The following XXYLT1 variants were observed in gnomAD, a reference collection of about 807,000 sequenced individuals.
The protein encoded by XXYLT1 is xyloside xylosyltransferase 1.
Under a neutral mutation model 28.9 loss-of-function variants are expected in XXYLT1, and 20 were observed. That is an observed-to-expected ratio of 0.69 (90% CI 0.49 to 1.00). The LOEUF (loss-of-function observed/expected upper bound fraction) is 1.00. Among genes scored for constraint, XXYLT1 ranks in the 50% least tolerant of loss-of-function variants. The pLI is 0.00. For synonymous variants in XXYLT1, 257 were observed against 253.8 expected (o/e 1.01, Z -0.12); for missense variants, 542 against 560.1 (o/e 0.97, Z 0.33).
At chr3:195,101,955 G>A in intron 3 of XXYLT1, among the ~76,000 whole-genome samples, 1 of 64,066 alleles carries the variant, frequency 1.6e-5, no homozygotes, top group African/African-American at 6.6e-5. Context: ...GAAAGGGAGG[G>A]GAGGGGAGGG....
In XXYLT1 at chr3:195,209,316, C is replaced by T. The variant is rs898892802; in HGVS notation, c.652+17393G>A. The T allele has an allele frequency of 5.3e-5, 8 of 152,378 alleles. No individual in the cohort carries two copies. The highest frequency in any genetic ancestry group is 8.8e-5 in the Non-Finnish European group (6 of 68,152). The allele number at this position is 152,378 out of a possible 1,614,324, so 9.4% of individuals were successfully genotyped here. A position where few individuals can be genotyped will look rare whatever the true frequency, so the allele number is the denominator to read the frequency against. ...CAAACTGTCTTGTCATCGAGTGCCA[C>T]ACCCGCTGGACCCCACTCACGTGGT... is the stretch of plus-strand genomic sequence containing the variant. On this transcript the variant is annotated intron_variant, in intron 2 of 3. Coordinates refer to ENST00000310380, the MANE Select transcript of XXYLT1 (RefSeq NM_152531.5). This position sits in a 1 kb window ranked among gnomAD's most constrained non-coding sequence, Gnocchi z 5.0.
chr3:195,226,940 G>A (rs1724082669), intron 1 of XXYLT1, 84 bp from the exon 2 acceptor site: 1 of 1,510,428 alleles, frequency 6.6e-7, no homozygotes, highest in Non-Finnish European at 8.9e-7. Flanking sequence ...TGGGCCCACA[G>A]AGGCAGAGGC....
rs1725533334 is a variant in XXYLT1, at chr3:195,257,734, C to T, written c.504+12821G>A. Among the ~76,000 whole-genome samples the T allele has an allele frequency of 6.6e-6, 1 of 152,134 alleles. No homozygotes were observed. Among genetic ancestry groups the T allele is most frequent in the South Asian group, 2.1e-4 (1 of 4,828 alleles). On this transcript the variant is annotated intron_variant, in intron 1 of 3. Coordinates refer to ENST00000310380, the MANE Select transcript of XXYLT1 (RefSeq NM_152531.5). The surrounding 1 kb of genome is among the most constrained non-coding windows in gnomAD (Gnocchi z 4.3). ...ACACTCACCCAGCCAGGCCGCCCTACCCCAGCTGCCCCCCTCTGCCCCATC... is the reference window on the plus strand; with the variant it reads ...ACACTCACCCAGCCAGGCCGCCCTATCCCAGCTGCCCCCCTCTGCCCCATC...
At position 195,257,981 on chromosome 3, in the gene XXYLT1, G is replaced by C. The variant is rs1351081440; in HGVS notation, c.504+12574C>G. On this transcript the variant is annotated intron_variant, in intron 1 of 3. Coordinates refer to ENST00000310380, the MANE Select transcript of XXYLT1 (RefSeq NM_152531.5). This position sits in a 1 kb window ranked among gnomAD's most constrained non-coding sequence, Gnocchi z 4.3. ...CCTGTGTCTTCCTACCCCCTAGACA[G>C]CAGGTGGCCAAGGGTGCCCTAAGCA... 1.3e-5 allele frequency among the ~76,000 whole-genome samples: 2 copies of C among 152,206 alleles called. No homozygotes were observed. The highest frequency in any genetic ancestry group is 3.9e-4 in the East Asian group (2 of 5,174).
chr3:195,220,363 C>T (rs947232264), intron 2 of XXYLT1, among the ~76,000 whole-genome samples: 3 of 152,230 alleles, frequency 2.0e-5, no homozygotes, highest in East Asian at 3.9e-4. Flanking sequence ...AGGCTGGTAT[C>T]GAACTCCTGA....
intron 3 of XXYLT1, among the ~76,000 whole-genome samples, chr3:195,114,472 G>C (rs753532125): frequency 6.6e-6 from 1 of 152,176 alleles, no homozygotes; most frequent in Non-Finnish European, 1.5e-5. Flanking sequence ...TCCTGTGCCT[G>C]GGTCCCATGA....
At chr3:195,121,075 C>G (rs748101290) in intron 3 of XXYLT1, among the ~76,000 whole-genome samples, 1 of 152,196 alleles carries the variant, frequency 6.6e-6, no homozygotes, top group Non-Finnish European at 1.5e-5. Flanking sequence ...TCCGTGAGCA[C>G]CCCCATGCTC....
chr3:195,085,924 C>G (rs889606883), intron 3 of XXYLT1: 1 of 152,230 alleles, frequency 6.6e-6, no homozygotes, highest in Non-Finnish European at 1.5e-5. Context: ...TGCTGTCAGG[C>G]CTTGCGGAGG....
intron 1 of XXYLT1, among the ~76,000 whole-genome samples, chr3:195,263,675 T>C (rs1043987994): frequency 3.3e-5 from 5 of 152,272 alleles, no homozygotes; most frequent in African/African-American, 1.2e-4. Context: ...GGTATTGTTA[T>C]GGTGAGAGAA....
At chr3:195,123,346 G>GC (rs1444687264) in intron 3 of XXYLT1, among the ~76,000 whole-genome samples, 2 of 152,090 alleles carry the variant, frequency 1.3e-5, no homozygotes, top group African/African-American at 4.8e-5. Flanking sequence ...CCGTCAGCAA[G>GC]CCCCCCTCTC....
intron 2 of XXYLT1, among the ~76,000 whole-genome samples, chr3:195,157,237 C>T (rs1317547808): frequency 2.2e-5 from 2 of 89,014 alleles, no homozygotes; most frequent in Non-Finnish European, 4.2e-5. Flanking sequence ...AGCAAGGCGC[C>T]ATCTCAAAAA....
At chr3:195,135,396 T>C (rs1483707073) in intron 3 of XXYLT1, among the ~76,000 whole-genome samples, 1 of 151,994 alleles carries the variant, frequency 6.6e-6, no homozygotes, top group Non-Finnish European at 1.5e-5. Flanking sequence ...CATCCCCTTA[T>C]CAAAAAAGAG....
intron 3 of XXYLT1, chr3:195,085,983 C>T (rs954050866): frequency 1.3e-5 from 2 of 152,348 alleles, no homozygotes; most frequent in Non-Finnish European, 2.9e-5. Flanking sequence ...AAGACCCAAA[C>T]TTGACTTTTC....
In XXYLT1 at chr3:195,078,077, C is replaced by G. The variant is rs1425406985; in HGVS notation, c.786-7966G>C. 6.6e-6 allele frequency among the ~76,000 whole-genome samples: 1 copy of G among 152,164 alleles called. No individual in the cohort carries two copies. The highest frequency in any genetic ancestry group is 2.4e-5 in the African/African-American group (1 of 41,442). ...GGGGCTTTAAGCCTGGATCCCTACTCAGACGGCGGAGCCAGAAACAGCCAT... is the reference window on the plus strand; with the variant it reads ...GGGGCTTTAAGCCTGGATCCCTACTGAGACGGCGGAGCCAGAAACAGCCAT... On this transcript the variant is annotated intron_variant, in intron 3 of 3. Coordinates refer to ENST00000310380, the MANE Select transcript of XXYLT1 (RefSeq NM_152531.5). This position sits in a 1 kb window ranked among gnomAD's most constrained non-coding sequence, Gnocchi z 5.0.
intron 3 of XXYLT1, among the ~76,000 whole-genome samples, chr3:195,109,117 C>G (rs761715833): frequency 3.9e-5 from 6 of 152,202 alleles, no homozygotes; most frequent in Non-Finnish European, 8.8e-5. Context: ...AGTCCCACTA[C>G]CCCCAAAATT....
At position 195,255,848 on chromosome 3, in the gene XXYLT1, A is replaced by G. The variant is rs899735418; in HGVS notation, c.504+14707T>C. Among the ~76,000 whole-genome samples, 1 of 152,060 alleles carries G rather than the reference A, an allele frequency of 6.6e-6. No individual in the cohort carries two copies. The highest frequency in any genetic ancestry group is 2.4e-5 in the African/African-American group (1 of 41,408). On this transcript the variant is annotated intron_variant, in intron 1 of 3. Transcript: ENST00000310380. The surrounding 1 kb of genome is among the most constrained non-coding windows in gnomAD (Gnocchi z 4.5). The stretch of plus-strand genomic sequence containing the variant: ...CCAGAGTCTGGACTCCCTCCAACCC[A>G]GACCTCTTCTGCAGCTAAATGAGGG...
At chr3:195,116,179 C>T (rs1382625337) in intron 3 of XXYLT1, among the ~76,000 whole-genome samples, 4 of 152,146 alleles carry the variant, frequency 2.6e-5, no homozygotes, top group African/African-American at 9.7e-5. Flanking sequence ...AGAAGGCATG[C>T]CACCACGAGC....
chr3:195,116,967 A>G (rs1317604878), intron 3 of XXYLT1, among the ~76,000 whole-genome samples: 2 of 152,132 alleles, frequency 1.3e-5, no homozygotes, highest in Non-Finnish European at 1.5e-5. Flanking sequence ...CTGCCCACCC[A>G]TCAGCCCAGC....
chr3:195,234,237 T>C (rs972391206), intron 1 of XXYLT1, among the ~76,000 whole-genome samples: 1 of 149,570 alleles, frequency 6.7e-6, no homozygotes, highest in African/African-American at 2.5e-5. Flanking sequence ...GTACGATAGG[T>C]CTGGTATTGA....
Sources: allele counts gnomAD v4.1 joint callset (sites outside exome capture counted in the v4.1 genomes callset), GRCh38; gene constraint gnomAD v4.1.1; non-coding constraint Gnocchi (gnomAD v3.1); transcripts MANE v1.5; gene names NCBI Gene and HGNC (gene_info 2026-07-23, HGNC 2026-07-21).